The following ROBO2 variants were observed in gnomAD, a reference collection of about 807,000 sequenced individuals.
ROBO2 encodes roundabout guidance receptor 2, also known as roundabout homolog 2.
In ROBO2, 53 loss-of-function variants were observed where a neutral mutation model predicts 160.8. The ratio of observed to expected loss-of-function variants is 0.33; its 90% CI spans 0.26 to 0.41. The LOEUF (loss-of-function observed/expected upper bound fraction) is 0.41, where lower values mean the gene tolerates loss of function less well. ROBO2 is among the 10% of genes least tolerant of loss of function. The pLI is 1.00. For synonymous variants in ROBO2, 664 were observed against 611.7 expected (o/e 1.09, Z -1.26); for missense variants, 1,577 against 1,722.4 (o/e 0.92, Z 1.49).
intron 1 of ROBO2, among the ~76,000 whole-genome samples, chr3:77,063,679 G>C (rs2149786709): frequency 6.6e-6 from 1 of 152,316 alleles, no homozygotes; most frequent in East Asian, 1.9e-4. Flanking sequence ...TTTGTAGTCT[G>C]TAGCAAAGCA....
At chr3:77,016,695 G>A (rs904554972) in intron 2 of ROBO2, among the ~76,000 whole-genome samples, 6 of 152,124 alleles carry the variant, frequency 3.9e-5, no homozygotes, top group Admixed American at 1.3e-4. Flanking sequence ...TATAGGTGAG[G>A]AACCTGCAGT....
At chr3:77,295,676 G>C (rs554652877) in intron 2 of ROBO2, among the ~76,000 whole-genome samples, 1 of 149,878 alleles carries the variant, frequency 6.7e-6, no homozygotes, top group South Asian at 2.2e-4. Flanking sequence ...AAGTAAAATT[G>C]ATGGTTAAAC....
At chr3:77,374,926 G>T (rs1362328002) in intron 2 of ROBO2, among the ~76,000 whole-genome samples, 6 of 152,126 alleles carry the variant, frequency 3.9e-5, no homozygotes, top group African/African-American at 1.2e-4. Context: ...TATATGAATG[G>T]TGCTGGGCAT....
At chr3:76,494,566 T>C (rs76520641) in intron 2 of ROBO2, among the ~76,000 whole-genome samples, 3,862 of 152,242 alleles carry the variant, frequency 0.025, 64 homozygotes, top group South Asian at 0.049. Context: ...GTTCTTTTCA[T>C]TGTGGTATAG....
chr3:76,980,703 T>C (rs2060053058), intron 2 of ROBO2, among the ~76,000 whole-genome samples: 1 of 152,196 alleles, frequency 6.6e-6, no homozygotes, highest in Admixed American at 6.5e-5. Context: ...TGAGATGTGA[T>C]AATTCACATG....
At chr3:77,504,614 A>G (rs531008268) in intron 5 of ROBO2, among the ~76,000 whole-genome samples, 1 of 152,324 alleles carries the variant, frequency 6.6e-6, no homozygotes, top group South Asian at 2.1e-4. Context: ...AATTTATAGT[A>G]AGACATATAT....
intron 2 of ROBO2, among the ~76,000 whole-genome samples, chr3:76,643,101 C>T (rs963900362): frequency 7.9e-5 from 12 of 152,020 alleles, no homozygotes; most frequent in Non-Finnish European, 1.5e-4. Context: ...TTTTTATCAT[C>T]GAAAATTGTT....
chr3:76,434,634 G>T, intron 2 of ROBO2: 5 of 1,399,712 alleles, frequency 3.6e-6, no homozygotes, highest in Non-Finnish European at 5.1e-6. Context: ...CGGGGCTGTG[G>T]CAAAAGAACT....
intron 2 of ROBO2, among the ~76,000 whole-genome samples, chr3:76,978,944 TAAAA>T (rs879743178): frequency 0.013 from 1,872 of 141,476 alleles, 38 homozygotes; most frequent in African/African-American, 0.045. Context: ...GTTTGTTTTT[TAAAA>T]AAAAAAAAAA....
At chr3:76,723,058 A>G (rs1170095093) in intron 2 of ROBO2, among the ~76,000 whole-genome samples, 1 of 152,200 alleles carries the variant, frequency 6.6e-6, no homozygotes, top group Non-Finnish European at 1.5e-5. Flanking sequence ...AAATTAGAAT[A>G]TGATTACTTT....
At chr3:77,469,891 T>C (rs2083181126) in intron 2 of ROBO2, among the ~76,000 whole-genome samples, 1 of 152,216 alleles carries the variant, frequency 6.6e-6, no homozygotes, top group African/African-American at 2.4e-5. Context: ...ACTTTTCTGA[T>C]ACCCTTCAAC....
Position 76,951,406 on chromosome 3 carries a change from TCAA to T in ROBO2, c.110-146605_110-146603del, listed in dbSNP as rs562960288. Among the ~76,000 whole-genome samples the T allele has an allele frequency of 1.3e-4, 20 of 152,342 alleles. No homozygotes were observed. In the East Asian group the frequency reaches 2.7e-3, roughly 21 times the overall value. ...ATCCCATTCCAATATTTAGCTTCAT[TCAA>T]CACTATCTTGATAATGTATTTGAAA... is the stretch of plus-strand genomic sequence containing the variant. On this transcript the variant is annotated intron_variant, in intron 2 of 26. Coordinates refer to the ROBO2 transcript ENST00000487694.
intron 4 of ROBO2, among the ~76,000 whole-genome samples, chr3:77,490,047 T>C (rs1039081376): frequency 6.6e-6 from 1 of 152,026 alleles, no homozygotes; most frequent in African/African-American, 2.4e-5. Flanking sequence ...ATTTTTAATG[T>C]CGGCATGCCC....
chr3:76,701,480 G>A (rs1207458548), intron 2 of ROBO2, among the ~76,000 whole-genome samples: 1 of 152,064 alleles, frequency 6.6e-6, no homozygotes, highest in African/African-American at 2.4e-5. Context: ...GATCAGAAGA[G>A]AGGAATTAAG....
intron 2 of ROBO2, among the ~76,000 whole-genome samples, chr3:76,543,671 T>C (rs747470621): frequency 1.4e-4 from 21 of 152,096 alleles, no homozygotes; most frequent in Non-Finnish European, 1.0e-4. Flanking sequence ...CATAGGGTTG[T>C]TAGGAAGAAT....
chr3:76,081,960 T>G (rs2068848171), intron 2 of ROBO2, among the ~76,000 whole-genome samples: 1 of 152,028 alleles, frequency 6.6e-6, no homozygotes, highest in Non-Finnish European at 1.5e-5. Flanking sequence ...ATTTTGCTAA[T>G]GAAATTAGAA....
intron 2 of ROBO2, among the ~76,000 whole-genome samples, chr3:76,085,473 AT>A (rs2068980494): frequency 6.6e-6 from 1 of 152,134 alleles, no homozygotes; most frequent in African/African-American, 2.4e-5. Flanking sequence ...TCTAGCAGGT[AT>A]TTTTTTAAAT....
intron 1 of ROBO2, among the ~76,000 whole-genome samples, chr3:77,082,629 G>A (rs1559968369): frequency 6.7e-6 from 1 of 148,384 alleles, no homozygotes. Context: ...ATATATATAT[G>A]TATATATTTA....
At chr3:77,292,758 A>G (rs1314300694) in intron 2 of ROBO2, among the ~76,000 whole-genome samples, 1 of 97,142 alleles carries the variant, frequency 1.0e-5, no homozygotes, top group African/African-American at 2.7e-5. Flanking sequence ...CTAGAGCACT[A>G]AAGACATAAA....
Sources: allele counts gnomAD v4.1 joint callset (sites outside exome capture counted in the v4.1 genomes callset), GRCh38; gene constraint gnomAD v4.1.1; transcripts MANE v1.5; gene names NCBI Gene and HGNC (gene_info 2026-07-23, HGNC 2026-07-21).